The following PPP2R2B variants were observed in gnomAD, a reference collection of about 807,000 sequenced individuals.
PPP2R2B encodes the protein protein phosphatase 2 regulatory subunit Bbeta, also known as serine/threonine-protein phosphatase 2A 55 kDa regulatory subunit B beta isoform.
In PPP2R2B, 5 loss-of-function variants were observed where a neutral mutation model predicts 46.0. The ratio of observed to expected loss-of-function variants is 0.11; its 90% CI spans 0.06 to 0.23. PPP2R2B has a LOEUF of 0.23. Ranked by LOEUF, PPP2R2B falls within the 10% of genes least tolerant of loss-of-function variation. The pLI is 1.00. For synonymous variants in PPP2R2B, 215 were observed against 206.7 expected, an observed-to-expected ratio of 1.04 and a Z score of -0.34; for missense variants, 367 against 575.0, an observed-to-expected ratio of 0.64 and a Z score of 3.70.
At chr5:146,872,306 T>C (rs756953008) in intron 2 of PPP2R2B, among the ~76,000 whole-genome samples, 1 of 152,182 alleles carries the variant, frequency 6.6e-6, no homozygotes, top group Non-Finnish European at 1.5e-5. Context: ...TTTACAATAG[T>C]GTAAGGCAGC....
chr5:146,936,985 T>C (rs1229040947), intron 1 of PPP2R2B, among the ~76,000 whole-genome samples: 3 of 151,996 alleles, frequency 2.0e-5, no homozygotes, highest in Non-Finnish European at 2.9e-5. Context: ...ATTCCATTTG[T>C]GGATAAAACA....
intron 2 of PPP2R2B, among the ~76,000 whole-genome samples, chr5:146,842,714 T>C (rs1266813225): frequency 6.6e-6 from 1 of 152,098 alleles, no homozygotes; most frequent in African/African-American, 2.4e-5. Flanking sequence ...ATCATTTAGC[T>C]CCCACTTATA....
chr5:146,718,084 A>T (rs1780595521), intron 2 of PPP2R2B, among the ~76,000 whole-genome samples: 1 of 152,054 alleles, frequency 6.6e-6, no homozygotes, highest in Admixed American at 6.5e-5. Context: ...TACATAATTC[A>T]CAAGAATTCA....
intron 7 of PPP2R2B, among the ~76,000 whole-genome samples, chr5:146,631,280 A>G (rs1346367482): frequency 6.6e-6 from 1 of 152,224 alleles, no homozygotes; most frequent in Non-Finnish European, 1.5e-5. Flanking sequence ...AAGTAAAACA[A>G]CAACCTTGGA....
At chr5:146,681,589 G>C (rs969935825) in intron 5 of PPP2R2B, among the ~76,000 whole-genome samples, 1 of 152,144 alleles carries the variant, frequency 6.6e-6, no homozygotes, top group Non-Finnish European at 1.5e-5. Context: ...AATTATCCTT[G>C]ATTTTTCACT....
intron 2 of PPP2R2B, among the ~76,000 whole-genome samples, chr5:146,852,657 C>T (rs892392019): frequency 6.6e-6 from 1 of 152,134 alleles, no homozygotes; most frequent in Non-Finnish European, 1.5e-5. Flanking sequence ...GTGACCACCT[C>T]TCTCCAAACA....
At chr5:146,635,774 T>C (rs1226964179) in intron 7 of PPP2R2B, among the ~76,000 whole-genome samples, 1 of 152,208 alleles carries the variant, frequency 6.6e-6, no homozygotes, top group Non-Finnish European at 1.5e-5. Flanking sequence ...TTGTTATTTA[T>C]GTCAACCCTT....
chr5:146,792,702 T>C (rs1756278575), intron 2 of PPP2R2B, among the ~76,000 whole-genome samples: 1 of 152,174 alleles, frequency 6.6e-6, no homozygotes, highest in African/African-American at 2.4e-5. Context: ...TATGCAGATG[T>C]CTGGAAGAAG....
chr5:146,701,750 A>G (rs1051661369), intron 2 of PPP2R2B, among the ~76,000 whole-genome samples: 3 of 152,132 alleles, frequency 2.0e-5, no homozygotes, highest in Non-Finnish European at 1.5e-5. Flanking sequence ...ACTTATTTCA[A>G]CCCCAGGAGA....
intron 1 of PPP2R2B, among the ~76,000 whole-genome samples, chr5:147,020,374 A>G (rs1032250788): frequency 6.6e-6 from 1 of 152,162 alleles, no homozygotes; most frequent in Non-Finnish European, 1.5e-5. Flanking sequence ...GGGGTAGGAA[A>G]CATGTTGACT....
chr5:146,987,404 A>AAAT (rs775671254), intron 1 of PPP2R2B, among the ~76,000 whole-genome samples: 15 of 152,208 alleles, frequency 9.9e-5, no homozygotes, highest in Non-Finnish European at 1.6e-4. Context: ...AAACTACTAA[A>AAAT]AATAATAATT....
At chr5:146,616,616 A>G (rs1479342416) in intron 7 of PPP2R2B, among the ~76,000 whole-genome samples, 1 of 152,224 alleles carries the variant, frequency 6.6e-6, no homozygotes, top group Non-Finnish European at 1.5e-5. Context: ...GCAGATAGGC[A>G]TACAAAAAAG....
Position 146,951,639 on chromosome 5 carries a change from C to T in PPP2R2B, c.79+104026G>A, listed in dbSNP as rs534797037. ...GGTTTTCCGTTCCTGTGTTAGTTTG[C>T]TGAGGATAATGAGTCCAAGCTTCAT... is the stretch of plus-strand genomic sequence containing the variant. On this transcript the variant is annotated intron_variant, in intron 1 of 8. Transcript: ENST00000336640. 1.3e-4 allele frequency among the ~76,000 whole-genome samples: 20 copies of T among 152,124 alleles called. 1 individual carries two copies. The South Asian group carries it at 3.9e-3, about 30-fold the overall frequency.
chr5:146,586,899 A>G lies in PPP2R2B; in HGVS notation c.*3048T>C, dbSNP rs1203232474. ...TGACAGAAGAGTACGAATGTCTACCAAAGTTCAGCTTTTTGCATTACTTGT... is the reference window on the plus strand; with the variant it reads ...TGACAGAAGAGTACGAATGTCTACCGAAGTTCAGCTTTTTGCATTACTTGT... On this transcript the variant is annotated 3_prime_UTR_variant, in exon 10 of 10. Coordinates refer to ENST00000394411, the MANE Select transcript of PPP2R2B (RefSeq NM_181675.4). 1 of 152,138 alleles carries G rather than the reference A, an allele frequency of 6.6e-6. No individual in the cohort carries two copies. Among genetic ancestry groups the G allele is most frequent in the East Asian group, 1.9e-4 (1 of 5,204 alleles). 9.4% of individuals were successfully genotyped at this position (152,138 alleles called of 1,614,324 possible).
intron 2 of PPP2R2B, among the ~76,000 whole-genome samples, chr5:146,791,899 C>T (rs370852988): frequency 4.6e-5 from 7 of 152,234 alleles, no homozygotes; most frequent in South Asian, 2.1e-4. Context: ...TGATTCCTCC[C>T]GCCACATGAG....
chr5:146,735,919 A>G (rs1458267200), intron 2 of PPP2R2B, among the ~76,000 whole-genome samples: 1 of 152,200 alleles, frequency 6.6e-6, no homozygotes, highest in Non-Finnish European at 1.5e-5. Flanking sequence ...GGGCATTATT[A>G]TTTATGATTG....
At chr5:146,629,754 CCCTTTTCTT>C (rs1774302921) in intron 7 of PPP2R2B, among the ~76,000 whole-genome samples, 1 of 147,298 alleles carries the variant, frequency 6.8e-6, no homozygotes, top group South Asian at 2.2e-4. Context: ...TCCCTCCCTC[CCCTTTTCTT>C]CCTTTTCTTT....
At chr5:146,830,876 A>G (rs539894151) in intron 2 of PPP2R2B, among the ~76,000 whole-genome samples, 5 of 152,284 alleles carry the variant, frequency 3.3e-5, no homozygotes, top group Admixed American at 6.5e-5. Flanking sequence ...ACTGCATAAC[A>G]ATGTTTCAGT....
At chr5:146,678,171 G>C (rs1473927078) in intron 5 of PPP2R2B, among the ~76,000 whole-genome samples, 1 of 152,072 alleles carries the variant, frequency 6.6e-6, no homozygotes, top group African/African-American at 2.4e-5. Context: ...GAATCCAGCA[G>C]CACCTCAAAA....
Sources: gnomAD v4.1 joint callset for allele counts (sites outside exome capture counted in the v4.1 genomes callset) on GRCh38, gnomAD v4.1.1 for gene constraint, MANE v1.5 for transcripts, NCBI Gene and HGNC (gene_info 2026-07-23, HGNC 2026-07-21) for gene names.